The following CRISPLD2 variants were observed in gnomAD, a reference collection of about 807,000 sequenced individuals.
CRISPLD2 encodes the protein cysteine-rich secretory protein LCCL domain-containing 2.
In CRISPLD2, 47 loss-of-function variants were observed where a neutral mutation model predicts 71.1. The ratio of observed to expected loss-of-function variants is 0.66; its 90% CI spans 0.52 to 0.84. The LOEUF is 0.84. Ranked by LOEUF, CRISPLD2 falls within the 40% of genes least tolerant of loss-of-function variation. The probability of loss-of-function intolerance (pLI) is 0.00; values close to 1 mark genes in which losing one functional copy is unlikely to be tolerated. For missense variants in CRISPLD2, 830 were observed against 651.1 expected (o/e 1.27, Z -2.99); for synonymous variants, 317 against 250.1 (o/e 1.27, Z -2.52).
At chr16:84,841,627 G>A (rs1241026412) in intron 2 of CRISPLD2, among the ~76,000 whole-genome samples, 4 of 151,364 alleles carry the variant, frequency 2.6e-5, no homozygotes, top group African/African-American at 7.3e-5. Context: ...ACAGAGTCTC[G>A]CTCTGTCCCC....
At chr16:84,823,979 G>C (rs1398242344) in intron 1 of CRISPLD2, among the ~76,000 whole-genome samples, 1 of 152,116 alleles carries the variant, frequency 6.6e-6, no homozygotes, top group African/African-American at 2.4e-5. Flanking sequence ...AATATTTTTT[G>C]AATAGGGAAA....
At chr16:84,842,810 T>C (rs558286346) in intron 2 of CRISPLD2, among the ~76,000 whole-genome samples, 2 of 152,266 alleles carry the variant, frequency 1.3e-5, no homozygotes, top group East Asian at 1.9e-4. Context: ...CGCGCATCCC[T>C]GGTGGCTTGG....
chr16:84,876,229 C>T (rs1187704818), intron 11 of CRISPLD2, among the ~76,000 whole-genome samples: 8 of 152,194 alleles, frequency 5.3e-5, no homozygotes, highest in South Asian at 2.1e-4. Context: ...TGGCCGGGCG[C>T]GGTGGCTCAC....
intron 4 of CRISPLD2, 83 bp downstream of exon 4, chr16:84,849,600 T>C: frequency 7.6e-7 from 1 of 1,317,008 alleles, no homozygotes; most frequent in South Asian, 1.3e-5. Flanking sequence ...TTGTCAAATC[T>C]GTAAAGCCTC....
At chr16:84,827,725 C>T (rs978331084) in intron 1 of CRISPLD2, among the ~76,000 whole-genome samples, 1 of 152,070 alleles carries the variant, frequency 6.6e-6, no homozygotes, top group Non-Finnish European at 1.5e-5. Context: ...TGCCACCACG[C>T]CCAGCTAATT....
chr16:84,899,270 A>G (rs937863752), intron 14 of CRISPLD2, among the ~76,000 whole-genome samples: 2 of 152,284 alleles, frequency 1.3e-5, no homozygotes, highest in Middle Eastern at 3.4e-3. Flanking sequence ...AAAAAGTCCA[A>G]TACCTTTTAT....
intron 1 of CRISPLD2, among the ~76,000 whole-genome samples, chr16:84,835,176 C>T (rs999545215): frequency 6.6e-6 from 1 of 152,038 alleles, no homozygotes; most frequent in South Asian, 2.1e-4. Flanking sequence ...CTGCAACCTC[C>T]ACCTCCCAGG....
chr16:84,894,090 A>G (rs2071685371), intron 14 of CRISPLD2, among the ~76,000 whole-genome samples: 1 of 152,214 alleles, frequency 6.6e-6, no homozygotes, highest in Non-Finnish European at 1.5e-5. Context: ...GTTTTGGTTT[A>G]GCAATGATCC....
chr16:84,895,437 T>C (rs547083767), intron 14 of CRISPLD2, among the ~76,000 whole-genome samples: 2 of 152,316 alleles, frequency 1.3e-5, no homozygotes, highest in Admixed American at 1.3e-4. Flanking sequence ...ATTTAAATAA[T>C]ACATCCAGAG....
intron 14 of CRISPLD2, among the ~76,000 whole-genome samples, chr16:84,899,461 C>T (rs1309187418): frequency 6.6e-6 from 1 of 152,202 alleles, no homozygotes; most frequent in East Asian, 1.9e-4. Context: ...ACTTCCCCAG[C>T]ATACCTGGAG....
chr16:84,888,013 T>G (rs2071628077), intron 13 of CRISPLD2, among the ~76,000 whole-genome samples: 1 of 152,232 alleles, frequency 6.6e-6, no homozygotes, highest in Non-Finnish European at 1.5e-5. Flanking sequence ...TTCCTATTAC[T>G]GTTAGAATAA....
intron 11 of CRISPLD2, 116 bp downstream of exon 11, chr16:84,874,079 T>C: frequency 1.1e-6 from 1 of 900,884 alleles, no homozygotes; most frequent in Non-Finnish European, 1.7e-6. Flanking sequence ...AACATTATGG[T>C]TCTCATCATT....
rs1315492477 is a variant in CRISPLD2 at position 84,909,327 on chromosome 16, T to C, written c.*2685T>C. 1.3e-5 allele frequency: 2 copies of C among 152,620 alleles called. No individual in the cohort carries two copies. The highest frequency in any genetic ancestry group is 6.5e-5 in the Admixed American group (1 of 15,280). The allele number at this position is 152,620 out of a possible 1,614,324, so 9.5% of individuals were successfully genotyped here. On this transcript the variant is annotated 3_prime_UTR_variant, in exon 15 of 15. Coordinates refer to ENST00000262424, the MANE Select transcript of CRISPLD2 (RefSeq NM_031476.4). The stretch of plus-strand genomic sequence containing the variant: ...TGTGTGTGCTTTTTTCTATGAAAAA[T>C]GATGTATTTTGCTACTTCCTGTGTA...
At chr16:84,897,289 CA>C (rs369389521) in intron 14 of CRISPLD2, among the ~76,000 whole-genome samples, 5,721 of 100,556 alleles carry the variant, frequency 0.057, 175 homozygotes, top group African/African-American at 0.13. Flanking sequence ...ACTAAAAATA[CA>C]AAAAAAAAAA....
At chr16:84,896,413 C>T (rs111495530) in intron 14 of CRISPLD2, among the ~76,000 whole-genome samples, 132 of 152,220 alleles carry the variant, frequency 8.7e-4, no homozygotes, top group African/African-American at 2.4e-3. Context: ...CAGACACATA[C>T]ACATATACAG....
chr16:84,892,848 C>G (rs193290196), intron 14 of CRISPLD2, among the ~76,000 whole-genome samples: 25 of 151,716 alleles, frequency 1.6e-4, no homozygotes, highest in African/African-American at 5.8e-4. Context: ...TGGTGGTGCA[C>G]GCCTGTAATG....
intron 7 of CRISPLD2, among the ~76,000 whole-genome samples, chr16:84,867,408 C>G (rs1033898896): frequency 6.6e-6 from 1 of 152,186 alleles, no homozygotes; most frequent in Non-Finnish European, 1.5e-5. Context: ...GAAGGTTCCA[C>G]TCCTTTCTCA....
At chr16:84,860,437 G>A (rs1041899332) in intron 6 of CRISPLD2, among the ~76,000 whole-genome samples, 52 of 152,230 alleles carry the variant, frequency 3.4e-4, no homozygotes, top group African/African-American at 1.1e-3. Context: ...CTAGCAGCCC[G>A]CCAGGACTTT....
At chr16:84,847,424 GGCAGA>G in intron 3 of CRISPLD2, among the ~76,000 whole-genome samples, 1 of 152,244 alleles carries the variant, frequency 6.6e-6, no homozygotes, top group South Asian at 2.1e-4. Context: ...GGCCAAGGTG[GGCAGA>G]ATACAAGGTC....
Sources: gnomAD v4.1 joint callset for allele counts (sites outside exome capture counted in the v4.1 genomes callset) on GRCh38, gnomAD v4.1.1 for gene constraint, MANE v1.5 for transcripts, NCBI Gene and HGNC (gene_info 2026-07-23, HGNC 2026-07-21) for gene names.